ACAT1: variants seen among roughly 807,000 people sequenced by gnomAD.
ACAT1 encodes acetyl-CoA acetyltransferase 1, also known as acetyl-CoA acetyltransferase, mitochondrial.
ACAT1 carries 28 observed loss-of-function variants against 47.3 expected under a neutral mutation model. That is an observed-to-expected ratio of 0.59 (90% confidence interval 0.44 to 0.81). The LOEUF is 0.81. Ranked by LOEUF, ACAT1 falls within the 30% of genes least tolerant of loss-of-function variation. The pLI is 0.00. For missense variants in ACAT1, 469 were observed against 524.3 expected, an observed-to-expected ratio of 0.89 and a Z score of 1.03; for synonymous variants, 181 against 173.6, an observed-to-expected ratio of 1.04 and a Z score of -0.34.
upstream of ACAT1, among the ~76,000 whole-genome samples, chr11:108,119,018 C>A (rs1005382740): frequency 1.3e-5 from 2 of 152,180 alleles, no homozygotes; most frequent in Non-Finnish European, 2.9e-5. Flanking sequence ...ACCTAGCAAC[C>A]AGACTGCCTA....
chr11:108,139,993 AG>A, intron 6 of ACAT1, 71 bp from the exon 7 acceptor site: 8 of 1,517,330 alleles, frequency 5.3e-6, no homozygotes, highest in Non-Finnish European at 7.2e-6. Context: ...AAACACTATA[AG>A]TTAGGCAAAG....
rs1476922493 is a variant in ACAT1 at position 108,141,678 on chromosome 11, GAC to G, written c.806_807del (p.Thr269SerfsTer19). On this transcript the variant is annotated frameshift_variant, in exon 8 of 12. Transcript: ENST00000265838. LOFTEE classifies it high-confidence loss of function. ...ATTTTAGCAAAGTTCCAAAGCTGAAGACAGTTTTCCAGAAAGAAAATGGTTAG... is the reference window on the plus strand; with the variant it reads ...ATTTTAGCAAAGTTCCAAAGCTGAAGAGTTTTCCAGAAAGAAAATGGTTAG... The part of the protein sequence containing the change: ...VDFSKVPKLK[T>X]VFQKENGTVT... 6 of 1,613,196 alleles carry G rather than the reference GAC, an allele frequency of 3.7e-6. No individual in the cohort carries two copies. Among genetic ancestry groups the G allele is most frequent in the Non-Finnish European group, 5.1e-6 (6 of 1,179,472 alleles).
chr11:108,134,641 GAAAAAAAA>G (rs71047674), intron 4 of ACAT1, among the ~76,000 whole-genome samples: 2 of 64,118 alleles, frequency 3.1e-5, no homozygotes, highest in African/African-American at 6.6e-5. Flanking sequence ...CTGTCTGAAA[GAAAAAAAA>G]AAAAAAAAAA....
At chr11:108,123,282 AAAAT>A (rs1238406041) in intron 1 of ACAT1, among the ~76,000 whole-genome samples, 7 of 152,198 alleles carry the variant, frequency 4.6e-5, no homozygotes, top group Non-Finnish European at 1.0e-4. Flanking sequence ...CCTCATGAAA[AAAAT>A]AAGCCTGTAC....
intron 1 of ACAT1, among the ~76,000 whole-genome samples, chr11:108,123,188 A>G (rs1475218362): frequency 6.6e-6 from 1 of 152,138 alleles, no homozygotes; most frequent in Non-Finnish European, 1.5e-5. Context: ...CAGTGAGCTG[A>G]GATCATGCCA....
chr11:108,140,323 G>A (rs1349175292), intron 7 of ACAT1, 108 bp downstream of exon 7: 4 of 1,354,930 alleles, frequency 3.0e-6, no homozygotes, highest in Non-Finnish European at 4.2e-6. Flanking sequence ...ACTGCTTATG[G>A]TTAATAAAAA....
intron 7 of ACAT1, among the ~76,000 whole-genome samples, chr11:108,140,921 G>A (rs755222241): frequency 2.0e-4 from 30 of 152,014 alleles, no homozygotes; most frequent in Middle Eastern, 3.2e-3. Flanking sequence ...GGGACATGGA[G>A]GTGTAGAAGA....
chr11:108,137,002 T>C (rs2077480862), intron 5 of ACAT1: 1 of 152,248 alleles, frequency 6.6e-6, no homozygotes, highest in Non-Finnish European at 1.5e-5. Flanking sequence ...GATTAATATT[T>C]ATTAAACTTA....
At chr11:108,135,530 GAA>G (rs34242002) in intron 5 of ACAT1, among the ~76,000 whole-genome samples, 1 of 140,538 alleles carries the variant, frequency 7.1e-6, no homozygotes, top group African/African-American at 2.6e-5. Context: ...TCTGCTCTTT[GAA>G]AAAAAAAAAA....
intron 4 of ACAT1, 47 bp from the exon 5 acceptor site, chr11:108,135,095 T>C (rs749343089): frequency 3.8e-6 from 5 of 1,327,076 alleles, no homozygotes; most frequent in South Asian, 3.6e-5. Context: ...AGTTCTGCAG[T>C]TGTGTTTGAG....
chr11:108,140,204 TTACAGTAAAAGGTAGAGA>T lies in ACAT1; in HGVS notation c.722_730+9del. 1 of 1,614,136 alleles carries T rather than the reference TTACAGTAAAAGGTAGAGA, an allele frequency of 6.2e-7. No homozygotes were observed. Among genetic ancestry groups the T allele is most frequent in the South Asian group, 1.1e-5 (1 of 91,086 alleles). On this transcript the variant is annotated splice_donor_variant and splice_donor_5th_base_variant and coding_sequence_variant and intron_variant, in exon 7 of 12. Transcript: ENST00000265838. LOFTEE classifies it high-confidence loss of function. Reference sequence around the variant, plus strand: ...GGAAATGAAGTTATTCCTGTCACAGTTACAGTAAAAGGTAGAGATAATGTTCCAAAAAGGATGAATAGA... The same window carrying T: ...GGAAATGAAGTTATTCCTGTCACAGTTAATGTTCCAAAAAGGATGAATAGA...
At chr11:108,121,738 A>G in intron 1 of ACAT1, 60 bp downstream of exon 1, 2 of 1,513,968 alleles carry the variant, frequency 1.3e-6, no homozygotes, top group South Asian at 2.4e-5. Context: ...CCCGCCTCGG[A>G]AGCTTCCAGC....
chr11:108,142,636 A>G (rs921377240), intron 9 of ACAT1, 86 bp downstream of exon 9: 10 of 1,070,916 alleles, frequency 9.3e-6, no homozygotes, highest in Non-Finnish European at 1.4e-5. Flanking sequence ...CCGGAGTTCG[A>G]AATCAGCCTG....
chr11:108,126,979 T>C (rs1222530782), intron 1 of ACAT1, among the ~76,000 whole-genome samples: 3 of 151,364 alleles, frequency 2.0e-5, no homozygotes, highest in Non-Finnish European at 2.9e-5. Flanking sequence ...TTATTTTATT[T>C]TTATTTTTTT....
At chr11:108,117,611 A>G (rs1864978074), upstream of ACAT1, among the ~76,000 whole-genome samples, 1 of 152,106 alleles carries the variant, frequency 6.6e-6, no homozygotes, top group African/African-American at 2.4e-5. Context: ...ACCTGGCCAG[A>G]GACCCTGTCC....
intron 9 of ACAT1, chr11:108,143,634 C>G (rs1264135576): frequency 6.1e-6 from 1 of 163,380 alleles, no homozygotes; most frequent in African/African-American, 2.4e-5. Flanking sequence ...GACTTTTGCA[C>G]TAAGTAATTC....
chr11:108,146,608 CTCCT>C (rs1220127833), intron 11 of ACAT1, among the ~76,000 whole-genome samples: 1 of 151,842 alleles, frequency 6.6e-6, no homozygotes, highest in East Asian at 1.9e-4. Context: ...CCCCCTTTTT[CTCCT>C]TCCTATTTAT....
intron 7 of ACAT1, among the ~76,000 whole-genome samples, chr11:108,140,629 G>C (rs777982475): frequency 6.6e-6 from 1 of 152,152 alleles, no homozygotes; most frequent in African/African-American, 2.4e-5. Flanking sequence ...ACACCTGCAG[G>C]CTTTTGTGCT....
intron 1 of ACAT1, among the ~76,000 whole-genome samples, chr11:108,127,666 C>T (rs2077276891): frequency 6.6e-6 from 1 of 152,052 alleles, no homozygotes; most frequent in Non-Finnish European, 1.5e-5. Flanking sequence ...ACATTCAGCA[C>T]TTGGAGGTTG....
Sources: gnomAD v4.1 joint callset for allele counts (sites outside exome capture counted in the v4.1 genomes callset) on GRCh38, gnomAD v4.1.1 for gene constraint, MANE v1.5 for transcripts, NCBI Gene and HGNC (gene_info 2026-07-23, HGNC 2026-07-21) for gene names.